The following DLC1 variants were observed in gnomAD, a reference collection of about 807,000 sequenced individuals.
The protein encoded by DLC1 is DLC1 Rho GTPase activating protein.
DLC1 carries 54 observed loss-of-function variants against 140.3 expected under a neutral mutation model. The observed-to-expected ratio is 0.38, with a 90% CI of 0.31 to 0.48. The LOEUF (loss-of-function observed/expected upper bound fraction) is 0.48, where lower values mean the gene tolerates loss of function less well. Among genes scored for constraint, DLC1 ranks in the 20% least tolerant of loss-of-function variants. The pLI is 0.96. For synonymous variants in DLC1, 986 were observed against 728.1 expected (o/e 1.35, Z -5.70); for missense variants, 2,536 against 1,907.0 (o/e 1.33, Z -6.14).
Position 13,387,653 on chromosome 8 carries a change from G to C in DLC1, c.1314+5900C>G, listed in dbSNP as rs553733270. Among the ~76,000 whole-genome samples the C allele has an allele frequency of 9.9e-5, 15 of 151,906 alleles. No homozygotes were observed. The East Asian group carries it at 2.5e-3, about 25-fold the overall frequency. On this transcript the variant is annotated intron_variant, in intron 4 of 17. Transcript: ENST00000276297. The stretch of plus-strand genomic sequence containing the variant: ...CCTTGGTGGTTTTTCTCTTGTTTTT[G>C]GATCAGTTTTATTTTTGCTTATATG...
chr8:13,101,460 G>T (rs1002915687), intron 8 of DLC1, among the ~76,000 whole-genome samples: 2 of 152,306 alleles, frequency 1.3e-5, no homozygotes, highest in South Asian at 2.1e-4. Flanking sequence ...TTTTGTTGGT[G>T]TATGTTTATA....
chr8:13,202,324 T>A (rs1426944580), intron 5 of DLC1, among the ~76,000 whole-genome samples: 1 of 152,214 alleles, frequency 6.6e-6, no homozygotes, highest in Non-Finnish European at 1.5e-5. Flanking sequence ...ATTTACAGGG[T>A]ACAGTGTGAT....
intron 4 of DLC1, among the ~76,000 whole-genome samples, chr8:13,345,792 G>C (rs73566439): frequency 0.075 from 11,448 of 151,902 alleles, 515 homozygotes; most frequent in Non-Finnish European, 0.094. Flanking sequence ...CTCCTGACCT[G>C]AAGTGATCCA....
intron 5 of DLC1, among the ~76,000 whole-genome samples, chr8:13,216,102 A>G (rs915042788): frequency 6.6e-6 from 1 of 152,204 alleles, no homozygotes; most frequent in African/African-American, 2.4e-5. Flanking sequence ...GTCCTGTTCC[A>G]GATGGTCTCA....
intron 2 of DLC1, among the ~76,000 whole-genome samples, chr8:13,443,675 A>T (rs1332653517): frequency 6.6e-6 from 1 of 150,512 alleles, no homozygotes; most frequent in Non-Finnish European, 1.5e-5. Flanking sequence ...AAAAAAAAAA[A>T]GAAAAAGAAA....
chr8:13,496,968 T>G (rs1239242353), intron 2 of DLC1, among the ~76,000 whole-genome samples: 1 of 151,530 alleles, frequency 6.6e-6, no homozygotes, highest in East Asian at 1.9e-4. Context: ...GCCTGGCTAA[T>G]TTTTTGTATT....
At chr8:13,479,802 AAAG>A (rs60625191) in intron 2 of DLC1, among the ~76,000 whole-genome samples, 1,291 of 56,838 alleles carry the variant, frequency 0.023, 46 homozygotes, top group African/African-American at 0.059. Flanking sequence ...GAAAGAAAGA[AAAG>A]AAGAAGAAGA....
chr8:13,305,201 G>A (rs746187398), intron 5 of DLC1, 68 bp downstream of exon 5: 8 of 1,571,830 alleles, frequency 5.1e-6, no homozygotes, highest in South Asian at 3.6e-5. Flanking sequence ...TTAATAAAAT[G>A]CCTATTTTAA....
chr8:13,273,539 C>G (rs1274431251), intron 5 of DLC1, among the ~76,000 whole-genome samples: 2 of 152,076 alleles, frequency 1.3e-5, no homozygotes, highest in African/African-American at 4.8e-5. Flanking sequence ...CTTTTCCTGG[C>G]AACAATTCTG....
intron 5 of DLC1, among the ~76,000 whole-genome samples, chr8:13,294,287 C>G (rs541314606): frequency 3.9e-5 from 6 of 152,146 alleles, no homozygotes; most frequent in African/African-American, 2.4e-5. Flanking sequence ...TTAGGTGCAC[C>G]GTACTGTGCT....
rs974465697 is a variant in DLC1, at chr8:13,092,523, A to G, written c.3740+89T>C. ...GTCTAACCTTCTTGCTTGTTTCAGG[A>G]AAGAGTCCCACAAAACCACAGCTAC... is the stretch of plus-strand genomic sequence containing the variant. On this transcript the variant is annotated intron_variant, in intron 13 of 17. Coordinates refer to ENST00000276297, the MANE Select transcript of DLC1 (RefSeq NM_182643.3). 4.9e-6 allele frequency: 7 copies of G among 1,429,886 alleles called. No individual in the cohort carries two copies. The African/African-American group carries it at 7.0e-5, about 14-fold the overall frequency. The allele number at this position is 1,429,886 out of a possible 1,614,324, so 88.6% of individuals were successfully genotyped here. A position where few individuals can be genotyped will look rare whatever the true frequency, so the allele number is the denominator to read the frequency against.
At chr8:13,288,377 T>C (rs1001174125) in intron 5 of DLC1, among the ~76,000 whole-genome samples, 1 of 152,222 alleles carries the variant, frequency 6.6e-6, no homozygotes, top group Admixed American at 6.5e-5. Flanking sequence ...TGTTGGAGTC[T>C]GGACCCATAC....
At chr8:13,286,068 A>C (rs1027048221) in intron 5 of DLC1, among the ~76,000 whole-genome samples, 2 of 152,232 alleles carry the variant, frequency 1.3e-5, no homozygotes, top group Non-Finnish European at 2.9e-5. Flanking sequence ...TGTAAATCAA[A>C]GAGCAAAATA....
chr8:13,457,322 A>G (rs1172704531), intron 2 of DLC1, among the ~76,000 whole-genome samples: 1 of 152,218 alleles, frequency 6.6e-6, no homozygotes, highest in Non-Finnish European at 1.5e-5. Context: ...TGCTCCTGTC[A>G]TGCTATGTTA....
At chr8:13,393,522 T>G (rs1021847276) in intron 4 of DLC1, 31 bp downstream of exon 4, 1 of 1,603,060 alleles carries the variant, frequency 6.2e-7, no homozygotes, top group Non-Finnish European at 8.5e-7. Flanking sequence ...CATTTACACG[T>G]AGAGACTCTC....
At chr8:13,486,569 T>C (rs1405298680) in intron 2 of DLC1, among the ~76,000 whole-genome samples, 9 of 152,240 alleles carry the variant, frequency 5.9e-5, no homozygotes, top group Admixed American at 5.9e-4. Flanking sequence ...ACTATTAACA[T>C]TCTAAGTTAC....
At chr8:13,403,831 G>A (rs1432283363) in intron 2 of DLC1, among the ~76,000 whole-genome samples, 2 of 65,538 alleles carry the variant, frequency 3.1e-5, no homozygotes, top group African/African-American at 5.6e-5. Flanking sequence ...TTTTTTTTTG[G>A]TATTTTTTGT....
chr8:13,252,309 A>G (rs11998191), intron 5 of DLC1, among the ~76,000 whole-genome samples: 35,530 of 152,074 alleles, frequency 0.23, 4,312 homozygotes, highest in South Asian at 0.34. Flanking sequence ...AGGAGTATGT[A>G]AAATGAGCAG....
intron 5 of DLC1, among the ~76,000 whole-genome samples, chr8:13,303,538 A>T (rs1586099269): frequency 6.6e-6 from 1 of 152,188 alleles, no homozygotes; most frequent in African/African-American, 2.4e-5. Context: ...CCAGGTGCTC[A>T]CACCTGTAAT....
Sources: allele counts gnomAD v4.1 joint callset (sites outside exome capture counted in the v4.1 genomes callset), GRCh38; gene constraint gnomAD v4.1.1; transcripts MANE v1.5; gene names NCBI Gene and HGNC (gene_info 2026-07-23, HGNC 2026-07-21).